The following MAGI3 variants were observed in gnomAD, a reference collection of about 807,000 sequenced individuals.
MAGI3 encodes the protein membrane-associated guanylate kinase, WW and PDZ domain-containing protein 3.
In MAGI3, 43 loss-of-function variants were observed where a neutral mutation model predicts 121.8. The observed-to-expected ratio is 0.35, with a 90% CI of 0.28 to 0.46. MAGI3 has a LOEUF of 0.46. Ranked by LOEUF, MAGI3 falls within the 20% of genes least tolerant of loss-of-function variation. The probability of loss-of-function intolerance (pLI) is 1.00; values close to 1 mark genes in which losing one functional copy is unlikely to be tolerated. For missense variants in MAGI3, 1,547 were observed against 1,797.3 expected, an observed-to-expected ratio of 0.86 and a Z score of 2.52; for synonymous variants, 553 against 639.3, an observed-to-expected ratio of 0.86 and a Z score of 2.04.
At chr1:113,548,024 C>T (rs997396404) in intron 1 of MAGI3, among the ~76,000 whole-genome samples, 2 of 152,068 alleles carry the variant, frequency 1.3e-5, no homozygotes, top group African/African-American at 2.4e-5. Context: ...ATGTTAACAC[C>T]GTCTTGCATA....
chr1:113,587,412 TC>T (rs1300745527), intron 4 of MAGI3, among the ~76,000 whole-genome samples: 4 of 152,196 alleles, frequency 2.6e-5, no homozygotes, highest in Non-Finnish European at 5.9e-5. Context: ...GCCAAGCTGG[TC>T]TCGAACTCCT....
chr1:113,641,033 T>TATATG (rs371402730), intron 9 of MAGI3, among the ~76,000 whole-genome samples: 12 of 12,368 alleles, frequency 9.7e-4, no homozygotes, highest in African/African-American at 4.6e-3. Context: ...ATATATATGA[T>TATATG]ATATATAATA....
intron 19 of MAGI3, among the ~76,000 whole-genome samples, chr1:113,675,681 C>A (rs1229382957): frequency 6.6e-6 from 1 of 152,080 alleles, no homozygotes; most frequent in East Asian, 1.9e-4. Context: ...AATTAGTGGA[C>A]TAGATAAAAT....
rs886515798 is a variant in MAGI3, at chr1:113,531,891, G to A, written c.317-17624G>A. Reference sequence around the variant, plus strand: ...TGTATGAGCCTAGGAAACTGTTGAAGTAGAGCTTTTCAAATTGGACTCACA... The same window carrying A: ...TGTATGAGCCTAGGAAACTGTTGAAATAGAGCTTTTCAAATTGGACTCACA... On this transcript the variant is annotated intron_variant, in intron 1 of 20. Coordinates refer to ENST00000307546, the MANE Select transcript of MAGI3 (RefSeq NM_001142782.2). Among the ~76,000 whole-genome samples the A allele has an allele frequency of 5.3e-4, 80 of 152,258 alleles. 1 individual carries two copies. The highest frequency in any genetic ancestry group is 1.7e-3 in the African/African-American group (72 of 41,560).
At chr1:113,456,479 A>C (rs1654764542) in intron 1 of MAGI3, among the ~76,000 whole-genome samples, 1 of 152,216 alleles carries the variant, frequency 6.6e-6, no homozygotes, top group South Asian at 2.1e-4. Context: ...AGTACCAAAA[A>C]GTAGTAATAC....
intron 1 of MAGI3, among the ~76,000 whole-genome samples, chr1:113,400,077 C>T (rs1651322690): frequency 6.6e-6 from 1 of 151,990 alleles, no homozygotes; most frequent in Non-Finnish European, 1.5e-5. Flanking sequence ...AGTATGGTGT[C>T]ATGTGGTAAC....
intron 2 of MAGI3, among the ~76,000 whole-genome samples, chr1:113,556,552 A>ATTTTTTTTT (rs569112647): frequency 8.5e-6 from 1 of 117,594 alleles, no homozygotes; most frequent in Admixed American, 9.4e-5. Flanking sequence ...TATGATAAAG[A>ATTTTTTTTT]TTTTTTTTTT....
intron 1 of MAGI3, among the ~76,000 whole-genome samples, chr1:113,424,367 G>A (rs933903881): frequency 6.6e-6 from 1 of 152,034 alleles, no homozygotes; most frequent in Admixed American, 6.5e-5. Context: ...CACCAAAAGC[G>A]TCCCTCTTAT....
intron 9 of MAGI3, among the ~76,000 whole-genome samples, chr1:113,630,802 G>T (rs1399717504): frequency 1.3e-5 from 2 of 152,068 alleles, no homozygotes; most frequent in African/African-American, 4.8e-5. Context: ...GGAGCTAAGG[G>T]AGAGGTGGCG....
In MAGI3 at chr1:113,651,071, G is replaced by A. The variant is rs184592057; in HGVS notation, c.2305G>A (p.Ala769Thr). ...GAAEKDGRLR[A>T]ADELMCIDGI... The stretch of plus-strand genomic sequence containing the variant: ...AGCTGAGAAAGATGGTCGGCTCCGC[G>A]CAGCTGATGAACTAATGTGCATTGA... Residue 769 changes from alanine (A) to threonine (T), a missense_variant, in exon 14 of 21, where the codon GCA becomes ACA. Transcript: ENST00000307546. 2.4e-5 allele frequency: 39 copies of A among 1,614,120 alleles called. No homozygotes were observed. The highest frequency in any genetic ancestry group is 1.3e-4 in the East Asian group (6 of 44,882).
intron 1 of MAGI3, among the ~76,000 whole-genome samples, chr1:113,406,699 G>C (rs950395276): frequency 3.3e-5 from 5 of 152,068 alleles, no homozygotes; most frequent in Non-Finnish European, 5.9e-5. Context: ...TGAACTGCCT[G>C]AGTTCAAGAC....
intron 1 of MAGI3, among the ~76,000 whole-genome samples, chr1:113,451,325 T>A (rs914442491): frequency 6.6e-6 from 1 of 152,206 alleles, no homozygotes; most frequent in Non-Finnish European, 1.5e-5. Flanking sequence ...GTTGACTATT[T>A]TTCTTCTCTG....
At chr1:113,648,087 T>TA (rs1326540025) in intron 12 of MAGI3, among the ~76,000 whole-genome samples, 1 of 152,026 alleles carries the variant, frequency 6.6e-6, no homozygotes, top group Non-Finnish European at 1.5e-5. Context: ...CATGACTGGC[T>TA]AAGTTTTGCA....
At chr1:113,633,332 G>A (rs1264581776) in intron 9 of MAGI3, among the ~76,000 whole-genome samples, 2 of 123,282 alleles carry the variant, frequency 1.6e-5, no homozygotes, top group Non-Finnish European at 3.2e-5. Flanking sequence ...CGGGATCTAG[G>A]GTTACTGCAA....
At chr1:113,670,098 G>T (rs187858956) in intron 16 of MAGI3, among the ~76,000 whole-genome samples, 27 of 151,876 alleles carry the variant, frequency 1.8e-4, no homozygotes, top group Admixed American at 3.3e-4. Flanking sequence ...CAACCCTCTG[G>T]GTAAGTTCTG....
intron 16 of MAGI3, among the ~76,000 whole-genome samples, chr1:113,664,643 T>C (rs1386996221): frequency 6.6e-6 from 1 of 152,228 alleles, no homozygotes; most frequent in African/African-American, 2.4e-5. Context: ...ATTGTCAGAT[T>C]GTTGCATCCA....
intron 1 of MAGI3, among the ~76,000 whole-genome samples, chr1:113,437,725 T>TCTC (rs1653640630): frequency 7.5e-6 from 1 of 133,050 alleles, no homozygotes; most frequent in South Asian, 2.3e-4. Context: ...TCCTTCTCCT[T>TCTC]CTTTCTTCTT....
intron 19 of MAGI3, among the ~76,000 whole-genome samples, chr1:113,678,370 G>A (rs1162165431): frequency 6.6e-6 from 1 of 152,006 alleles, no homozygotes; most frequent in East Asian, 1.9e-4. Flanking sequence ...CTAAGTATTG[G>A]CTTTTGTTTC....
Position 113,583,478 on chromosome 1 carries a change from C to T in MAGI3, c.554-1909C>T, listed in dbSNP as rs748711254. On this transcript the variant is annotated intron_variant, in intron 3 of 20. Coordinates refer to ENST00000307546, the MANE Select transcript of MAGI3 (RefSeq NM_001142782.2). ...CCCTTAGAAAAAGGTTAAATTTTCT[C>T]GAGTTAGATAATAATTACCAAGAAT... Among the ~76,000 whole-genome samples the T allele has an allele frequency of 7.2e-5, 11 of 151,932 alleles. 1 individual carries two copies. The highest frequency in any genetic ancestry group is 1.7e-4 in the African/African-American group (7 of 41,362).
Sources: gnomAD v4.1 joint callset for allele counts (sites outside exome capture counted in the v4.1 genomes callset) on GRCh38, gnomAD v4.1.1 for gene constraint, MANE v1.5 for transcripts, NCBI Gene and HGNC (gene_info 2026-07-23, HGNC 2026-07-21) for gene names.